EYA2: variants seen among roughly 807,000 people sequenced by gnomAD.
EYA2 encodes the protein protein phosphatase EYA2.
In EYA2, 31 loss-of-function variants were observed where a neutral mutation model predicts 69.2. The observed-to-expected ratio is 0.45, with a 90% CI of 0.34 to 0.60. EYA2 has a LOEUF of 0.60. Ranked by LOEUF, EYA2 falls within the 20% of genes least tolerant of loss-of-function variation. The pLI, the probability that EYA2 is intolerant of heterozygous loss-of-function variation, is 0.02. For missense variants in EYA2, 622 were observed against 701.2 expected, an observed-to-expected ratio of 0.89 and a Z score of 1.28; for synonymous variants, 257 against 279.4, an observed-to-expected ratio of 0.92 and a Z score of 0.80.
At chr20:46,911,239 G>GTA (rs1463893294) in intron 1 of EYA2, among the ~76,000 whole-genome samples, 1 of 151,778 alleles carries the variant, frequency 6.6e-6, no homozygotes, top group Admixed American at 6.6e-5. Context: ...ATTTGTGTGT[G>GTA]TGTGTGTGTG....
intron 5 of EYA2, among the ~76,000 whole-genome samples, chr20:47,022,693 A>C (rs1600647379): frequency 9.2e-6 from 1 of 109,194 alleles, no homozygotes; most frequent in South Asian, 2.9e-4. Context: ...GGTCTCTGTC[A>C]CCCGGGCTGG....
chr20:47,121,959 C>G (rs976560998), intron 9 of EYA2, among the ~76,000 whole-genome samples: 3 of 152,202 alleles, frequency 2.0e-5, no homozygotes, highest in African/African-American at 7.2e-5. Context: ...CTGAGGGCAT[C>G]TGCAGGCCAC....
At chr20:47,005,205 G>A (rs1289921632) in intron 4 of EYA2, 121 bp downstream of exon 4, 3 of 1,156,678 alleles carry the variant, frequency 2.6e-6, no homozygotes, top group Non-Finnish European at 3.7e-6. Flanking sequence ...TTGGATTAGA[G>A]ATAAAGGGAA....
intron 5 of EYA2, among the ~76,000 whole-genome samples, chr20:47,032,377 T>C (rs1049032135): frequency 2.6e-5 from 4 of 152,172 alleles, no homozygotes; most frequent in African/African-American, 9.7e-5. Context: ...CCACCTGCCT[T>C]CTTACACTGC....
chr20:46,970,763 AAAC>A (rs1408479228), intron 1 of EYA2, among the ~76,000 whole-genome samples: 12 of 152,318 alleles, frequency 7.9e-5, no homozygotes, highest in Non-Finnish European at 1.3e-4. Context: ...ATGGAAATAA[AAAC>A]AAACACAACA....
chr20:47,072,849 T>C (rs2031366052), intron 6 of EYA2, among the ~76,000 whole-genome samples: 1 of 152,164 alleles, frequency 6.6e-6, no homozygotes, highest in South Asian at 2.1e-4. Flanking sequence ...TTCACCTGCT[T>C]TCAGGCTACC....
intron 5 of EYA2, among the ~76,000 whole-genome samples, chr20:47,043,336 TA>T: frequency 6.6e-6 from 1 of 152,246 alleles, no homozygotes; most frequent in South Asian, 2.1e-4. Context: ...GGGAATGTTT[TA>T]AAAGGGAGAG....
Position 47,176,995 on chromosome 20 carries a change from AC to A in EYA2, c.1199-2801del, listed in dbSNP as rs984289631. Reference sequence around the variant, plus strand: ...TTAGTAGAGATAGAGACGGGATTTCACCACGTTGGCCAGGCTGATCTCGAAC... The same window carrying A: ...TTAGTAGAGATAGAGACGGGATTTCACACGTTGGCCAGGCTGATCTCGAAC... On this transcript the variant is annotated intron_variant, in intron 12 of 15. Transcript: ENST00000327619. 3.3e-5 allele frequency among the ~76,000 whole-genome samples: 5 copies of A among 152,038 alleles called. 1 individual carries two copies. The highest frequency in any genetic ancestry group is 1.2e-4 in the African/African-American group (5 of 41,450).
intron 10 of EYA2, among the ~76,000 whole-genome samples, chr20:47,146,877 C>T (rs1205344802): frequency 1.3e-5 from 2 of 152,168 alleles, no homozygotes; most frequent in East Asian, 1.9e-4. Flanking sequence ...CAGCAAGACC[C>T]GTGCCCACAA....
chr20:47,002,730 C>G (rs2146347388), intron 3 of EYA2, among the ~76,000 whole-genome samples: 1 of 152,290 alleles, frequency 6.6e-6, no homozygotes, highest in East Asian at 1.9e-4. Flanking sequence ...TACCTAACCC[C>G]ACACTGAGCC....
chr20:47,044,338 C>T (rs1272088053), intron 5 of EYA2, among the ~76,000 whole-genome samples: 2 of 152,206 alleles, frequency 1.3e-5, no homozygotes, highest in African/African-American at 2.4e-5. Context: ...TGTTGGGTGA[C>T]ACCCACTGTG....
At chr20:47,164,835 C>A (rs2034147875) in intron 10 of EYA2, among the ~76,000 whole-genome samples, 1 of 152,084 alleles carries the variant, frequency 6.6e-6, no homozygotes, top group Admixed American at 6.6e-5. Flanking sequence ...AGGACATCCC[C>A]CAAGTTTACA....
intron 1 of EYA2, among the ~76,000 whole-genome samples, chr20:46,949,489 C>T (rs912343722): frequency 2.0e-5 from 3 of 152,074 alleles, no homozygotes; most frequent in African/African-American, 7.3e-5. Flanking sequence ...AACTGAGAGT[C>T]CAGGGTCAGA....
At chr20:47,093,039 C>T (rs1397131860) in intron 8 of EYA2, among the ~76,000 whole-genome samples, 4 of 152,172 alleles carry the variant, frequency 2.6e-5, no homozygotes, top group African/African-American at 4.8e-5. Context: ...AGAGTATCAG[C>T]GAGGCACTGG....
intron 9 of EYA2, among the ~76,000 whole-genome samples, chr20:47,107,776 TAGGAAG>T (rs147333116): frequency 0.019 from 2,406 of 126,996 alleles, 52 homozygotes; most frequent in African/African-American, 0.066. Context: ...AAAGAAGAAG[TAGGAAG>T]AGGAAGAGGA....
intron 8 of EYA2, among the ~76,000 whole-genome samples, chr20:47,090,583 G>T (rs2032054258): frequency 2.0e-5 from 3 of 151,782 alleles, no homozygotes; most frequent in African/African-American, 7.3e-5. Context: ...TCAACAGGTT[G>T]CTATGGGATA....
At chr20:47,125,166 G>A (rs1234392234) in intron 9 of EYA2, among the ~76,000 whole-genome samples, 1 of 148,394 alleles carries the variant, frequency 6.7e-6, no homozygotes, top group Non-Finnish European at 1.5e-5. Context: ...CCATTCTCCT[G>A]CCTTAGCCTC....
chr20:47,094,756 C>T (rs2032194675), intron 8 of EYA2, among the ~76,000 whole-genome samples: 1 of 152,182 alleles, frequency 6.6e-6, no homozygotes, highest in Non-Finnish European at 1.5e-5. Flanking sequence ...CAAGATTAGC[C>T]AGGCGTAGTG....
chr20:47,103,241 T>A (rs2032474633), intron 9 of EYA2, among the ~76,000 whole-genome samples: 1 of 152,130 alleles, frequency 6.6e-6, no homozygotes, highest in Admixed American at 6.5e-5. Context: ...AACCCTATAC[T>A]CACTAGCAGT....
Sources: allele counts gnomAD v4.1 joint callset (sites outside exome capture counted in the v4.1 genomes callset), GRCh38; gene constraint gnomAD v4.1.1; transcripts MANE v1.5; gene names NCBI Gene and HGNC (gene_info 2026-07-23, HGNC 2026-07-21).